Variants in KCNT2 observed in about 807,000 individuals in gnomAD.
KCNT2 encodes the protein potassium channel subfamily T member 2.
Under a neutral mutation model 153.8 loss-of-function variants are expected in KCNT2, and 67 were observed. That is an observed-to-expected ratio of 0.44 (90% confidence interval 0.36 to 0.53). The LOEUF (loss-of-function observed/expected upper bound fraction) is 0.53. Ranked by LOEUF, KCNT2 falls within the 20% of genes least tolerant of loss-of-function variation. KCNT2 has a pLI of 0.00. For missense variants in KCNT2, 975 were observed against 1,354.8 expected (o/e 0.72, Z 4.40); for synonymous variants, 500 against 458.8 (o/e 1.09, Z -1.15).
chr1:196,244,643 G>A, intron 26 of KCNT2, among the ~76,000 whole-genome samples: 1 of 152,134 alleles, frequency 6.6e-6, no homozygotes, highest in Non-Finnish European at 1.5e-5. Context: ...AGAGAGGGAT[G>A]GACTTTGCCT....
chr1:196,585,717 C>CATT (rs1254286672), intron 1 of KCNT2, among the ~76,000 whole-genome samples: 7 of 151,982 alleles, frequency 4.6e-5, no homozygotes, highest in African/African-American at 1.7e-4. Flanking sequence ...AAGAAAAGGA[C>CATT]ATTCACTCAC....
At chr1:196,509,283 A>AG (rs1433678205) in intron 1 of KCNT2, among the ~76,000 whole-genome samples, 1 of 151,532 alleles carries the variant, frequency 6.6e-6, no homozygotes, top group East Asian at 1.9e-4. Context: ...AAAAAAAAAA[A>AG]GGTTCAAGGA....
At chr1:196,415,817 A>C (rs1035911438) in intron 12 of KCNT2, among the ~76,000 whole-genome samples, 2 of 151,902 alleles carry the variant, frequency 1.3e-5, no homozygotes, top group Non-Finnish European at 2.9e-5. Flanking sequence ...CCAGGACTCA[A>C]TGACACTCTT....
intron 26 of KCNT2, among the ~76,000 whole-genome samples, chr1:196,253,542 G>T (rs1263007229): frequency 6.6e-6 from 1 of 151,350 alleles, no homozygotes; most frequent in Non-Finnish European, 1.5e-5. Context: ...CTGGTTATGG[G>T]TCATATTTTC....
chr1:196,390,755 G>C (rs1404787733), intron 13 of KCNT2, among the ~76,000 whole-genome samples: 1 of 151,232 alleles, frequency 6.6e-6, no homozygotes. Flanking sequence ...GCATACACAT[G>C]TATTTGTGTA....
At chr1:196,500,253 A>AAAGG (rs1223108904) in intron 1 of KCNT2, among the ~76,000 whole-genome samples, 4,589 of 95,186 alleles carry the variant, frequency 0.048, 282 homozygotes, top group Non-Finnish European at 0.073. Flanking sequence ...AAAGAAAGAA[A>AAAGG]AAGGAAGGAA....
intron 8 of KCNT2, among the ~76,000 whole-genome samples, chr1:196,447,443 C>T (rs1220553065): frequency 6.6e-6 from 1 of 151,418 alleles, no homozygotes; most frequent in Non-Finnish European, 1.5e-5. Flanking sequence ...CATCAAGGAA[C>T]AAAAAGAAAG....
intron 14 of KCNT2, among the ~76,000 whole-genome samples, chr1:196,350,388 C>T (rs947445753): frequency 8.5e-5 from 13 of 152,184 alleles, no homozygotes; most frequent in African/African-American, 2.9e-4. Context: ...TAATTTTTAA[C>T]GATTGCCATT....
chr1:196,444,229 T>TAA (rs1272860649), intron 8 of KCNT2, among the ~76,000 whole-genome samples: 2 of 151,394 alleles, frequency 1.3e-5, no homozygotes, highest in East Asian at 3.9e-4. Flanking sequence ...ATATAAACTT[T>TAA]TCTGACTTTA....
chr1:196,463,679 A>G (rs1157850367), intron 8 of KCNT2, among the ~76,000 whole-genome samples: 2 of 151,852 alleles, frequency 1.3e-5, no homozygotes, highest in Non-Finnish European at 2.9e-5. Context: ...TAATTTCAAT[A>G]ATGAATACAT....
At chr1:196,567,680 C>A (rs1660274615) in intron 1 of KCNT2, among the ~76,000 whole-genome samples, 28 of 152,102 alleles carry the variant, frequency 1.8e-4, no homozygotes, top group Admixed American at 1.8e-3. Context: ...CTGTCACATC[C>A]CTGAAGTGAA....
At chr1:196,523,011 C>A (rs1010453577) in intron 1 of KCNT2, among the ~76,000 whole-genome samples, 2 of 152,184 alleles carry the variant, frequency 1.3e-5, no homozygotes, top group Non-Finnish European at 2.9e-5. Context: ...AAGTTTTGTT[C>A]TTTTGCTCTT....
chr1:196,240,725 G>C (rs1464852524), intron 26 of KCNT2, among the ~76,000 whole-genome samples: 4 of 151,940 alleles, frequency 2.6e-5, no homozygotes, highest in African/African-American at 9.7e-5. Context: ...AGGCAAGCTG[G>C]GACCAGATTC....
At chr1:196,286,810 G>C (rs1476996123) in intron 22 of KCNT2, among the ~76,000 whole-genome samples, 4 of 151,968 alleles carry the variant, frequency 2.6e-5, no homozygotes, top group African/African-American at 9.7e-5. Flanking sequence ...GTTTAGAAGA[G>C]TTTCTTGAGA....
chr1:196,304,436 G>A (rs532928280), intron 22 of KCNT2, among the ~76,000 whole-genome samples: 3 of 152,034 alleles, frequency 2.0e-5, no homozygotes, highest in Non-Finnish European at 1.5e-5. Flanking sequence ...TCACTGCAGC[G>A]TCGAAATTTT....
chr1:196,349,856 C>T (rs1029102126), intron 14 of KCNT2, among the ~76,000 whole-genome samples: 3 of 152,090 alleles, frequency 2.0e-5, no homozygotes, highest in East Asian at 1.9e-4. Flanking sequence ...ATCCCTCCCC[C>T]CTTCCCCCAG....
intron 1 of KCNT2, among the ~76,000 whole-genome samples, chr1:196,569,267 G>C (rs1660486618): frequency 6.6e-6 from 1 of 151,848 alleles, no homozygotes; most frequent in Non-Finnish European, 1.5e-5. Context: ...ATCATTTCAG[G>C]ATCATATTGT....
At chr1:196,427,040 T>C (rs962868648) in intron 10 of KCNT2, among the ~76,000 whole-genome samples, 3 of 152,040 alleles carry the variant, frequency 2.0e-5, no homozygotes, top group Non-Finnish European at 2.9e-5. Flanking sequence ...TAATTCTTTA[T>C]AGCAGTGTGA....
At chr1:196,397,662 T>C (rs945249941) in intron 13 of KCNT2, among the ~76,000 whole-genome samples, 1 of 151,466 alleles carries the variant, frequency 6.6e-6, no homozygotes, top group African/African-American at 2.4e-5. Flanking sequence ...GCAAACTGAA[T>C]AGCAACCATT....
Sources: gnomAD v4.1 joint callset for allele counts (sites outside exome capture counted in the v4.1 genomes callset) on GRCh38, gnomAD v4.1.1 for gene constraint, MANE v1.5 for transcripts, NCBI Gene and HGNC (gene_info 2026-07-23, HGNC 2026-07-21) for gene names.